Variants in FGF12 observed in about 807,000 individuals in gnomAD.
FGF12 encodes fibroblast growth factor 12, also known as fibroblast growth factor 12B.
In FGF12, 14 loss-of-function variants were observed where a neutral mutation model predicts 23.6. The observed-to-expected ratio is 0.59, with a 90% CI of 0.39 to 0.93. FGF12 has a LOEUF of 0.93. FGF12 is among the 40% of genes least tolerant of loss of function. The pLI is 0.00. For synonymous variants in FGF12, 62 were observed against 77.3 expected (o/e 0.80, Z 1.04); for missense variants, 175 against 217.8 (o/e 0.80, Z 1.24).
intron 4 of FGF12, among the ~76,000 whole-genome samples, chr3:192,208,442 T>C (rs1717762340): frequency 2.0e-5 from 3 of 152,230 alleles, no homozygotes; most frequent in African/African-American, 2.4e-5. Flanking sequence ...CATAGTTTTA[T>C]GTTAAGTGCT....
At chr3:192,390,160 G>A (rs1448233342) in intron 2 of FGF12, among the ~76,000 whole-genome samples, 1 of 152,166 alleles carries the variant, frequency 6.6e-6, no homozygotes, top group East Asian at 1.9e-4. Flanking sequence ...ATATTTCTGA[G>A]TTTCAGTAAC....
chr3:192,273,056 A>G (rs188890666), intron 4 of FGF12, among the ~76,000 whole-genome samples: 2 of 152,322 alleles, frequency 1.3e-5, no homozygotes, highest in Admixed American at 1.3e-4. Context: ...ATAGAGCCAC[A>G]CTTCCCACAT....
At chr3:192,361,787 T>C (rs936192374) in intron 2 of FGF12, among the ~76,000 whole-genome samples, 23 of 152,220 alleles carry the variant, frequency 1.5e-4, no homozygotes, top group African/African-American at 5.5e-4. Context: ...CTTTTGCACA[T>C]GTGACTTGAT....
intron 2 of FGF12, among the ~76,000 whole-genome samples, chr3:192,487,363 T>C (rs1723667844): frequency 1.3e-5 from 2 of 152,144 alleles, no homozygotes; most frequent in African/African-American, 4.8e-5. Flanking sequence ...ATTCACTTAT[T>C]AGTCCCAGAT....
intron 5 of FGF12, among the ~76,000 whole-genome samples, chr3:192,162,709 C>CTA (rs1553844889): frequency 6.6e-6 from 1 of 152,040 alleles, no homozygotes; most frequent in African/African-American, 2.4e-5. Flanking sequence ...GCATTTATTT[C>CTA]TATTTCCAGT....
At chr3:192,428,773 C>T (rs1418046915) in intron 2 of FGF12, among the ~76,000 whole-genome samples, 1 of 152,068 alleles carries the variant, frequency 6.6e-6, no homozygotes, top group Non-Finnish European at 1.5e-5. Flanking sequence ...TCAATTATTC[C>T]AGCACCTTAG....
At chr3:192,253,764 G>C (rs775076698) in intron 4 of FGF12, among the ~76,000 whole-genome samples, 1 of 151,922 alleles carries the variant, frequency 6.6e-6, no homozygotes, top group Non-Finnish European at 1.5e-5. Flanking sequence ...CCCACAGAAT[G>C]ATTTAGGCTA....
intron 4 of FGF12, among the ~76,000 whole-genome samples, chr3:192,246,946 A>AAAG (rs34764932): frequency 0.58 from 79,885 of 137,860 alleles, 27,507 homozygotes; most frequent in East Asian, 0.98. Context: ...GAAAGAAAGA[A>AAAG]AAAGAAAAGG....
At chr3:192,645,121 C>T (rs562331572) in intron 2 of FGF12, among the ~76,000 whole-genome samples, 54 of 152,182 alleles carry the variant, frequency 3.5e-4, no homozygotes, top group African/African-American at 1.3e-3. Context: ...AAGCTTGGGG[C>T]TTGCAGGCCA....
At chr3:192,675,115 A>G (rs1717278001) in intron 2 of FGF12, among the ~76,000 whole-genome samples, 1 of 152,194 alleles carries the variant, frequency 6.6e-6, no homozygotes, top group Non-Finnish European at 1.5e-5. Flanking sequence ...TCTTAGGGAT[A>G]GAGTAAGTGG....
At position 192,567,745 on chromosome 3, in the gene FGF12, C is replaced by CTTTCTTTCTTTCTT. The variant is rs1480960890; in HGVS notation, c.13+159422_13+159435dup. On this transcript the variant is annotated intron_variant, in intron 2 of 5. Coordinates refer to ENST00000445105, the MANE Select transcript of FGF12 (RefSeq NM_004113.6). ...GTCTTCTCCATGTGTCTCTTTCTTT[C>CTTTCTTTCTTTCTT]TTTCTTTCTTTCTTTCTTTCTTTCT... 2.2e-4 allele frequency among the ~76,000 whole-genome samples: 24 copies of CTTTCTTTCTTTCTT among 110,648 alleles called. 1 individual carries two copies. The highest frequency in any genetic ancestry group is 7.5e-4 in the African/African-American group (22 of 29,156). The allele number at this position is 110,648 out of a possible 152,430, so 72.6% of individuals were successfully genotyped here.
intron 2 of FGF12, among the ~76,000 whole-genome samples, chr3:192,467,746 C>A (rs536888185): frequency 4.7e-4 from 72 of 152,268 alleles, no homozygotes; most frequent in African/African-American, 1.7e-3. Context: ...ACTGAATGCC[C>A]AATGCCTCCC....
chr3:192,200,355 C>T (rs950885108), intron 4 of FGF12, among the ~76,000 whole-genome samples: 1 of 151,716 alleles, frequency 6.6e-6, no homozygotes, highest in Non-Finnish European at 1.5e-5. Flanking sequence ...AGAAATTATT[C>T]ATGTTTGGGA....
chr3:192,374,069 A>C (rs1024387211), intron 2 of FGF12, among the ~76,000 whole-genome samples: 4 of 152,244 alleles, frequency 2.6e-5, no homozygotes, highest in African/African-American at 9.6e-5. Flanking sequence ...GTCAACAAAT[A>C]ATTTTTAAAG....
At chr3:192,197,371 G>A (rs1348617247) in intron 4 of FGF12, among the ~76,000 whole-genome samples, 1 of 151,782 alleles carries the variant, frequency 6.6e-6, no homozygotes, top group Non-Finnish European at 1.5e-5. Context: ...TTTATATTGG[G>A]GATAAAACGA....
intron 3 of FGF12, among the ~76,000 whole-genome samples, chr3:192,355,204 G>A (rs1718414252): frequency 6.6e-6 from 1 of 152,088 alleles, no homozygotes. Flanking sequence ...GACTTATATA[G>A]GAGGATATTC....
chr3:192,713,921 C>A (rs921600347), intron 2 of FGF12, among the ~76,000 whole-genome samples: 1 of 152,200 alleles, frequency 6.6e-6, no homozygotes, highest in Non-Finnish European at 1.5e-5. Context: ...TGAGCTACAA[C>A]TAAAGGCACA....
At chr3:192,512,835 A>AATAAATAAATAAATAAATATAT (rs35779279) in intron 2 of FGF12, among the ~76,000 whole-genome samples, 2 of 76,778 alleles carry the variant, frequency 2.6e-5, no homozygotes, top group African/African-American at 1.3e-4. Flanking sequence ...TACTCAAATA[A>AATAAATAAATAAATAAATATAT]ATATATATAT....
chr3:192,592,332 C>T (rs1394690543), intron 2 of FGF12, among the ~76,000 whole-genome samples: 2 of 151,856 alleles, frequency 1.3e-5, no homozygotes, highest in Non-Finnish European at 2.9e-5. Context: ...ACATTTCAGA[C>T]TACCTGGTTC....
Sources: allele counts gnomAD v4.1 joint callset (sites outside exome capture counted in the v4.1 genomes callset), GRCh38; gene constraint gnomAD v4.1.1; transcripts MANE v1.5; gene names NCBI Gene and HGNC (gene_info 2026-07-23, HGNC 2026-07-21).